OSBPL10: variants seen among roughly 807,000 people sequenced by gnomAD.
OSBPL10 encodes the protein oxysterol binding protein like 10.
Under a neutral mutation model 81.7 loss-of-function variants are expected in OSBPL10, and 49 were observed. The ratio of observed to expected loss-of-function variants is 0.60; its 90% CI spans 0.48 to 0.76. OSBPL10 has a LOEUF of 0.76. Among genes scored for constraint, OSBPL10 ranks in the 30% least tolerant of loss-of-function variants. OSBPL10 has a pLI of 0.00. For synonymous variants in OSBPL10, 419 were observed against 383.6 expected (o/e 1.09, Z -1.08); for missense variants, 923 against 987.8 (o/e 0.93, Z 0.88).
chr3:31,824,420 G>C (rs974025539), intron 4 of OSBPL10, among the ~76,000 whole-genome samples: 4 of 152,146 alleles, frequency 2.6e-5, no homozygotes, highest in African/African-American at 4.8e-5. Context: ...TTGAGTCGTG[G>C]TTAGGGCATC....
intron 3 of OSBPL10, among the ~76,000 whole-genome samples, chr3:31,851,865 A>T (rs1471803980): frequency 2.0e-5 from 3 of 152,272 alleles, no homozygotes; most frequent in East Asian, 3.9e-4. Flanking sequence ...CTGCTAAAAC[A>T]TCTCTCACTC....
intron 5 of OSBPL10, among the ~76,000 whole-genome samples, chr3:31,734,016 GA>G (rs34907375): frequency 7.4e-5 from 11 of 148,702 alleles, no homozygotes; most frequent in South Asian, 2.1e-4. Context: ...TCTCAAAAAA[GA>G]AAAAAAAAAT....
intron 1 of OSBPL10, among the ~76,000 whole-genome samples, chr3:32,047,681 G>A (rs1187481472): frequency 2.1e-5 from 3 of 139,642 alleles, no homozygotes; most frequent in Admixed American, 7.3e-5. Flanking sequence ...TTTTTTTTTT[G>A]AGACGGAGTC....
intron 4 of OSBPL10, among the ~76,000 whole-genome samples, chr3:31,804,721 G>A (rs968447408): frequency 2.6e-5 from 4 of 152,186 alleles, no homozygotes; most frequent in Non-Finnish European, 4.4e-5. Context: ...ACCAAAACAC[G>A]AAGTGCTGAC....
intron 1 of OSBPL10, among the ~76,000 whole-genome samples, chr3:31,930,514 G>T (rs1697210341): frequency 6.6e-6 from 1 of 152,164 alleles, no homozygotes; most frequent in Non-Finnish European, 1.5e-5. Flanking sequence ...GTATGTACAG[G>T]TATTGCAATG....
At chr3:31,864,823 A>C (rs887713823) in intron 3 of OSBPL10, among the ~76,000 whole-genome samples, 1 of 152,212 alleles carries the variant, frequency 6.6e-6, no homozygotes, top group Non-Finnish European at 1.5e-5. Context: ...AGGGACAGGC[A>C]TAACTAGCAG....
At chr3:31,675,087 AAT>A (rs1483049263) in intron 8 of OSBPL10, among the ~76,000 whole-genome samples, 5 of 152,156 alleles carry the variant, frequency 3.3e-5, no homozygotes, top group African/African-American at 1.2e-4. Context: ...CCAGGCGAGC[AAT>A]ATGTCTCCCT....
At chr3:31,799,251 TCA>T (rs1699315478) in intron 4 of OSBPL10, among the ~76,000 whole-genome samples, 1 of 151,780 alleles carries the variant, frequency 6.6e-6, no homozygotes, top group African/African-American at 2.4e-5. Context: ...TCAAGCATAG[TCA>T]CAGTTAAGAG....
At chr3:31,939,106 CCT>C (rs1339047208) in intron 1 of OSBPL10, among the ~76,000 whole-genome samples, 2 of 151,754 alleles carry the variant, frequency 1.3e-5, no homozygotes, top group Non-Finnish European at 2.9e-5. Flanking sequence ...CTCACACTTC[CCT>C]CTCTTTTCAG....
intron 6 of OSBPL10, chr3:31,733,006 C>A: frequency 1.9e-6 from 1 of 532,712 alleles, no homozygotes; most frequent in Non-Finnish European, 3.3e-6. Context: ...GTTAAAGTGA[C>A]TCCCATTTCA....
intron 1 of OSBPL10, among the ~76,000 whole-genome samples, chr3:31,947,680 G>A (rs755021834): frequency 1.3e-5 from 2 of 152,122 alleles, no homozygotes; most frequent in Admixed American, 6.5e-5. Context: ...AACAGATCAC[G>A]GAAGACTCCT....
chr3:31,719,599 C>T (rs924755610), intron 6 of OSBPL10, among the ~76,000 whole-genome samples: 10 of 152,104 alleles, frequency 6.6e-5, no homozygotes, highest in Admixed American at 6.5e-4. Context: ...ATAATAGCAA[C>T]CCTCACACAA....
Position 31,769,994 on chromosome 3 carries a change from G to T in OSBPL10, c.730-21874C>A, listed in dbSNP as rs532914566. On this transcript the variant is annotated intron_variant, in intron 4 of 11. Transcript: ENST00000396556. The stretch of plus-strand genomic sequence containing the variant: ...TCCACAAAATATATTTGATGACAAG[G>T]TTCTGCCTGTACCTAGAAGCATTTT... 1.1e-4 allele frequency among the ~76,000 whole-genome samples: 17 copies of T among 152,250 alleles called. No individual in the cohort carries two copies. In the East Asian group the frequency reaches 3.1e-3, roughly 28 times the overall value.
At chr3:31,882,199 C>G (rs1399013806) in intron 1 of OSBPL10, among the ~76,000 whole-genome samples, 1 of 152,222 alleles carries the variant, frequency 6.6e-6, no homozygotes, top group Non-Finnish European at 1.5e-5. Context: ...GCTCCAATTC[C>G]TCTAAGAAAT....
At chr3:31,730,761 T>C (rs762291818) in intron 6 of OSBPL10, among the ~76,000 whole-genome samples, 1 of 152,236 alleles carries the variant, frequency 6.6e-6, no homozygotes, top group Non-Finnish European at 1.5e-5. Context: ...ATGTAGGTTA[T>C]TTTATGGGAA....
At chr3:32,032,156 T>C (rs763925521) in intron 2 of OSBPL10, among the ~76,000 whole-genome samples, 1 of 152,134 alleles carries the variant, frequency 6.6e-6, no homozygotes, top group Non-Finnish European at 1.5e-5. Context: ...TGAAAGCTCA[T>C]GCCTGTAATC....
chr3:31,709,283 CT>C (rs1221964683), intron 6 of OSBPL10: 1 of 152,670 alleles, frequency 6.6e-6, no homozygotes, highest in Non-Finnish European at 1.5e-5. Flanking sequence ...ATTTACCACA[CT>C]TGGCTCTTAT....
At chr3:31,744,263 A>G (rs1313326481) in intron 5 of OSBPL10, among the ~76,000 whole-genome samples, 1 of 152,172 alleles carries the variant, frequency 6.6e-6, no homozygotes, top group African/African-American at 2.4e-5. Flanking sequence ...TGAGCTAGCC[A>G]GGTGCGGTGG....
At chr3:31,917,801 T>C (rs1696799883) in intron 1 of OSBPL10, among the ~76,000 whole-genome samples, 1 of 151,366 alleles carries the variant, frequency 6.6e-6, no homozygotes, top group South Asian at 2.1e-4. Flanking sequence ...TGCTGAAGTA[T>C]GAGGCTGACT....
Sources: allele counts gnomAD v4.1 joint callset (sites outside exome capture counted in the v4.1 genomes callset), GRCh38; gene constraint gnomAD v4.1.1; transcripts MANE v1.5; gene names NCBI Gene and HGNC (gene_info 2026-07-23, HGNC 2026-07-21).